Variants in SFRP2 observed in about 807,000 individuals in gnomAD.
SFRP2 encodes the protein secreted frizzled related protein 2.
SFRP2 carries 16 observed loss-of-function variants against 26.0 expected under a neutral mutation model. The ratio of observed to expected loss-of-function variants is 0.61; its 90% CI spans 0.42 to 0.93. The LOEUF (loss-of-function observed/expected upper bound fraction) is 0.93. Ranked by LOEUF, SFRP2 falls within the 40% of genes least tolerant of loss-of-function variation. The pLI is 0.00. For missense variants in SFRP2, 343 were observed against 392.4 expected, an observed-to-expected ratio of 0.87 and a Z score of 1.06; for synonymous variants, 173 against 167.3, an observed-to-expected ratio of 1.03 and a Z score of -0.26.
At chr4:153,782,430 G>A (rs549746367) in intron 2 of SFRP2, among the ~76,000 whole-genome samples, 12 of 152,300 alleles carry the variant, frequency 7.9e-5, no homozygotes, top group African/African-American at 2.9e-4. Context: ...GGCGTTTACG[G>A]ATCATATATG....
Position 153,788,328 on chromosome 4 carries a change from G to A in SFRP2, c.502+6C>T, listed in dbSNP as rs3810765. On this transcript the variant is annotated splice_donor_region_variant and intron_variant, in intron 1 of 2. Transcript: ENST00000274063. ...AGGGAGTGGGGAAGCAAGAGGGAAG[G>A]CTTACCTTCCTCGGTGGCTGGCAGG... 0.52 allele frequency: 837,362 copies of A among 1,607,454 alleles called. 219,768 individuals are homozygous for A. The highest frequency in any genetic ancestry group is 0.64 in the Admixed American group (38,539 of 59,872).
Position 153,785,848 on chromosome 4 carries a change from T to C in SFRP2, c.583+16A>G. 6.8e-7 allele frequency: 1 copy of C among 1,475,216 alleles called. No homozygotes were observed. Among genetic ancestry groups the C allele is most frequent in the Non-Finnish European group, 9.3e-7 (1 of 1,073,340 alleles). The allele number at this position is 1,475,216 out of a possible 1,614,324, so 91.4% of individuals were successfully genotyped here. A position where few individuals can be genotyped will look rare whatever the true frequency, so the allele number is the denominator to read the frequency against. ...CTTCTGAATGTGAAATCTGTTGTTG[T>C]TGTTGTATTACTTACCAAAATCATT... On this transcript the variant is annotated intron_variant, in intron 2 of 2. Coordinates refer to ENST00000274063, the MANE Select transcript of SFRP2 (RefSeq NM_003013.3).
At chr4:153,783,825 A>G (rs185642574) in intron 2 of SFRP2, among the ~76,000 whole-genome samples, 51 of 152,362 alleles carry the variant, frequency 3.3e-4, no homozygotes, top group African/African-American at 1.0e-3. Flanking sequence ...CAATAATCTT[A>G]TGATGCAGTT....
At position 153,781,465 on chromosome 4, in the gene SFRP2, T is replaced by G. The variant is rs1186205421; in HGVS notation, c.874A>C (p.Lys292Gln). The G allele has an allele frequency of 1.2e-6, 2 of 1,612,860 alleles. No individual in the cohort carries two copies. The highest frequency in any genetic ancestry group is 1.1e-5 in the South Asian group (1 of 91,074). Residue 292 changes from lysine to glutamine, a missense_variant, in exon 3 of 3, where the codon AAG becomes CAG. By Grantham distance (53) the Lys-to-Gln change is moderately conservative. Around this residue, in one of 2 missense-constraint regions of SFRP2, gnomAD observed 92 missense variants for 139.0 expected, o/e 0.66. Transcript: ENST00000274063. ...GGATGCCGGGACTAGCACTGCAGCT[T>G]GCGGATGCTGCGGGAGATGCGCTTG... Reference protein sequence around the residue: ...EFKRISRSIRKLQC With the variant: ...EFKRISRSIRQLQC
At chr4:153,784,522 T>C (rs1210999327) in intron 2 of SFRP2, among the ~76,000 whole-genome samples, 1 of 152,130 alleles carries the variant, frequency 6.6e-6, no homozygotes, top group Non-Finnish European at 1.5e-5. Context: ...ACCGGGACTA[T>C]GGTAGTTCTG....
At chr4:153,785,507 A>G (rs956953067) in intron 2 of SFRP2, among the ~76,000 whole-genome samples, 6 of 148,870 alleles carry the variant, frequency 4.0e-5, no homozygotes, top group African/African-American at 1.2e-4. Context: ...CCTGGTGCAC[A>G]TGTTAAGTAA....
At chr4:153,786,685 G>A (rs1741214788) in intron 1 of SFRP2, among the ~76,000 whole-genome samples, 1 of 152,126 alleles carries the variant, frequency 6.6e-6, no homozygotes, top group Non-Finnish European at 1.5e-5. Context: ...TTGCCCTTCT[G>A]TGCCTGTTTC....
In SFRP2 at chr4:153,788,665, G is replaced by A. The variant is rs747981958; in HGVS notation, c.171C>T (p.Asn57=). The change falls in exon 1 of 3, where the codon AAC becomes AAT. Residue 57 remains asparagine, a synonymous_variant. Coordinates refer to ENST00000274063, the MANE Select transcript of SFRP2 (RefSeq NM_003013.3). ...GGCCCAGCAGGTTGGGCAGCCGCAT[G>A]TTCTGGTATTCGATGCCGTGGCACA... The part of the protein sequence containing the change: ...LQLCHGIEYQ[N]MRLPNLLGHE... The A allele has an allele frequency of 3.1e-6, 5 of 1,614,214 alleles. No individual in the cohort carries two copies. The highest frequency in any genetic ancestry group is 1.6e-4 in the Middle Eastern group (1 of 6,062).
rs1441008332 is a variant in SFRP2 at position 153,781,739 on chromosome 4, C to T, written c.600G>A (p.Val200=). The change falls in exon 3 of 3, where the codon GTG becomes GTA. Residue 200 remains valine, a synonymous_variant. Transcript: ENST00000274063. ...CTCGGTTGATGTAGGTTATCTCCTT[C>T]ACTTTTATTTTCAGTGCTATGAGGG... ...CKNDFALKIK[V]KEITYINRDT... is the part of the protein sequence containing the mutation. The T allele has an allele frequency of 6.2e-7, 1 of 1,613,674 alleles. No homozygotes were observed. Among genetic ancestry groups the T allele is most frequent in the African/African-American group, 1.3e-5 (1 of 74,986 alleles).
intron 2 of SFRP2, among the ~76,000 whole-genome samples, chr4:153,784,059 G>T (rs551799638): frequency 6.6e-6 from 1 of 152,224 alleles, no homozygotes; most frequent in Admixed American, 6.5e-5. Context: ...CTTCTGTAAG[G>T]TCAGCCACAA....
intron 1 of SFRP2, among the ~76,000 whole-genome samples, chr4:153,788,049 G>T (rs186107103): frequency 6.6e-6 from 1 of 152,106 alleles, no homozygotes; most frequent in Non-Finnish European, 1.5e-5. Context: ...TCAGTTCTTC[G>T]TTTTTTTAGT....
rs1374040117 is a variant in SFRP2 at position 153,788,765 on chromosome 4, C to T, written c.71G>A (p.Gly24Glu). 3.1e-6 allele frequency: 5 copies of T among 1,611,560 alleles called. No individual in the cohort carries two copies. Among genetic ancestry groups the T allele is most frequent in the Non-Finnish European group, 3.4e-6 (4 of 1,179,956 alleles). The change falls in exon 1 of 3, where the codon GGG becomes GAG. Residue 24 changes from glycine to glutamate, a missense_variant. Gly to Glu is a moderately conservative substitution (Grantham distance 98). Around this residue, in one of 2 missense-constraint regions of SFRP2, gnomAD observed 251 missense variants for 253.3 expected, o/e 0.99. Transcript: ENST00000274063. The part of the protein sequence containing the change: ...ASHCCLGSAR[G>E]LFLFGQPDFS... Reference sequence around the variant, plus strand: ...GTCGGGCTGGCCAAAGAGGAAGAGCCCGCGCGCCGAGCCCAGGCAGCAGTG... The same window carrying T: ...GTCGGGCTGGCCAAAGAGGAAGAGCTCGCGCGCCGAGCCCAGGCAGCAGTG...
chr4:153,789,043 G>A lies in SFRP2; in HGVS notation c.-208C>T, dbSNP rs748329265. On this transcript the variant is annotated 5_prime_UTR_variant, in exon 1 of 3. Coordinates refer to ENST00000274063, the MANE Select transcript of SFRP2 (RefSeq NM_003013.3). ...CTGCAAGCCCGCGCGCAGCTCCGGG[G>A]GGCTCCGACCCGGGGGAGCAGAATG... The A allele has an allele frequency of 9.3e-6, 5 of 539,586 alleles. No homozygotes were observed. The highest frequency in any genetic ancestry group is 1.6e-5 in the Non-Finnish European group (5 of 319,822). 33.4% of individuals were successfully genotyped at this position (539,586 alleles called of 1,614,324 possible).
In SFRP2 at chr4:153,788,803, G is replaced by A; in HGVS notation, c.33C>T (p.Leu11=). The change falls in exon 1 of 3, where the codon CTC becomes CTT. Residue 11 remains leucine, a synonymous_variant. Coordinates refer to ENST00000274063, the MANE Select transcript of SFRP2 (RefSeq NM_003013.3). MLQGPGSLLL[L]FLASHCCLGS... The stretch of plus-strand genomic sequence containing the variant: ...CCAGGCAGCAGTGCGAGGCGAGGAA[G>A]AGCAGCAGCAGCGAGCCAGGGCCCT... 2 of 1,604,928 alleles carry A rather than the reference G, an allele frequency of 1.2e-6. No individual in the cohort carries two copies. Among genetic ancestry groups the A allele is most frequent in the Non-Finnish European group, 1.7e-6 (2 of 1,179,502 alleles).
intron 1 of SFRP2, among the ~76,000 whole-genome samples, chr4:153,787,560 T>C (rs528367042): frequency 6.6e-6 from 1 of 152,242 alleles, no homozygotes; most frequent in Non-Finnish European, 1.5e-5. Flanking sequence ...TTGATGGTTT[T>C]TGCACAGGAA....
In SFRP2 at chr4:153,788,997, G is replaced by A; in HGVS notation, c.-162C>T. The A allele has an allele frequency of 7.3e-6, 6 of 822,660 alleles. No homozygotes were observed. The highest frequency in any genetic ancestry group is 1.1e-5 in the Non-Finnish European group (6 of 562,442). 51.0% of individuals were successfully genotyped at this position (822,660 alleles called of 1,614,324 possible). A position where few individuals can be genotyped will look rare whatever the true frequency, so the allele number is the denominator to read the frequency against. On this transcript the variant is annotated 5_prime_UTR_variant, in exon 1 of 3. Coordinates refer to ENST00000274063, the MANE Select transcript of SFRP2 (RefSeq NM_003013.3). ...GGGGCGCGGAGAAGCGGGACACCGG[G>A]AGGACAGCGCGGGCGAGGCGCTGCA... is the stretch of plus-strand genomic sequence containing the variant.
intron 1 of SFRP2, among the ~76,000 whole-genome samples, chr4:153,787,451 G>T (rs530255761): frequency 6.6e-6 from 1 of 152,352 alleles, no homozygotes; most frequent in South Asian, 2.1e-4. Flanking sequence ...GGATTAGGAA[G>T]CTCCCTTTTC....
rs747591937 is a variant in SFRP2, at chr4:153,780,826, A to T, written c.*625T>A. 6.5e-6 allele frequency: 1 copy of T among 152,710 alleles called. No homozygotes were observed. Among genetic ancestry groups the T allele is most frequent in the Non-Finnish European group, 1.5e-5 (1 of 68,060 alleles). The allele number at this position is 152,710 out of a possible 1,614,324, so 9.5% of individuals were successfully genotyped here. On this transcript the variant is annotated 3_prime_UTR_variant, in exon 3 of 3. Transcript: ENST00000274063. ...CTTTTGCCTTTTACTTGAAGAAATC[A>T]TGCTATAGAAATGGTTAATGTGCTT...
At chr4:153,788,034 GC>G (rs2080541083) in intron 1 of SFRP2, among the ~76,000 whole-genome samples, 1 of 152,078 alleles carries the variant, frequency 6.6e-6, no homozygotes, top group Non-Finnish European at 1.5e-5. Flanking sequence ...TTTTTAAACC[GC>G]CGTTCAGTTC....
Sources: allele counts gnomAD v4.1 joint callset (sites outside exome capture counted in the v4.1 genomes callset), GRCh38; gene constraint gnomAD v4.1.1; regional missense constraint gnomAD v4.1.1; transcripts MANE v1.5; gene names NCBI Gene and HGNC (gene_info 2026-07-23, HGNC 2026-07-21).